Variants in TENM2 observed in about 807,000 individuals in gnomAD.
The protein encoded by TENM2 is teneurin transmembrane protein 2.
TENM2 carries 52 observed loss-of-function variants against 245.2 expected under a neutral mutation model. That is an observed-to-expected ratio of 0.21 (90% CI 0.17 to 0.27). The LOEUF (loss-of-function observed/expected upper bound fraction) is 0.27, where lower values mean the gene tolerates loss of function less well. Ranked by LOEUF, TENM2 falls within the 10% of genes least tolerant of loss-of-function variation. The pLI, the probability that TENM2 is intolerant of heterozygous loss-of-function variation, is 1.00. For synonymous variants in TENM2, 1,363 were observed against 1,438.9 expected, an observed-to-expected ratio of 0.95 and a Z score of 1.19; for missense variants, 3,046 against 3,666.8, an observed-to-expected ratio of 0.83 and a Z score of 4.37.
chr5:167,982,494 C>T (rs1782917571), intron 4 of TENM2, among the ~76,000 whole-genome samples: 1 of 152,160 alleles, frequency 6.6e-6, no homozygotes. Flanking sequence ...TTCCTGTGGG[C>T]CCGCTTCTGT....
intron 2 of TENM2, among the ~76,000 whole-genome samples, chr5:167,395,617 A>G (rs181522181): frequency 6.6e-6 from 1 of 152,290 alleles, no homozygotes; most frequent in Non-Finnish European, 1.5e-5. Context: ...CAAAGAAGAC[A>G]TTCAAATGGC....
chr5:167,821,258 T>C (rs1274320104), intron 2 of TENM2: 4 of 152,230 alleles, frequency 2.6e-5, no homozygotes, highest in African/African-American at 9.6e-5. Context: ...TTTATTTAGT[T>C]TGCCTCACAG....
At chr5:167,473,436 C>T (rs1767165360) in intron 2 of TENM2, among the ~76,000 whole-genome samples, 1 of 152,164 alleles carries the variant, frequency 6.6e-6, no homozygotes. Flanking sequence ...CTAAATAGCA[C>T]ATTTCTTTAA....
At chr5:167,554,106 C>G (rs1460252493) in intron 2 of TENM2, among the ~76,000 whole-genome samples, 2 of 152,134 alleles carry the variant, frequency 1.3e-5, no homozygotes, top group Non-Finnish European at 2.9e-5. Context: ...GTCCAGAATT[C>G]CCACCACAGC....
At chr5:167,723,638 C>T (rs79484825) in intron 2 of TENM2, among the ~76,000 whole-genome samples, 4,543 of 152,214 alleles carry the variant, frequency 0.03, 207 homozygotes, top group African/African-American at 0.1. Flanking sequence ...TCGCTGTGTG[C>T]CTCAAATATG....
chr5:167,620,571 T>TTTGAGA (rs1554091167), intron 2 of TENM2, among the ~76,000 whole-genome samples: 1 of 138,024 alleles, frequency 7.2e-6, no homozygotes, highest in African/African-American at 3.1e-5. Context: ...TTTTTTTTTT[T>TTTGAGA]CAAGAACTGA....
At chr5:168,061,426 G>T (rs1401424452) in intron 6 of TENM2, among the ~76,000 whole-genome samples, 2 of 152,156 alleles carry the variant, frequency 1.3e-5, no homozygotes, top group South Asian at 4.1e-4. Flanking sequence ...TATTATTAAA[G>T]TTCTGAAGGA....
At chr5:167,294,570 C>T (rs192193404) in intron 1 of TENM2, among the ~76,000 whole-genome samples, 141 of 152,198 alleles carry the variant, frequency 9.3e-4, no homozygotes, top group African/African-American at 3.3e-3. Flanking sequence ...CCTGTCATTC[C>T]ACAGGGCGAG....
intron 9 of TENM2, among the ~76,000 whole-genome samples, chr5:168,114,740 T>G (rs1794928773): frequency 6.6e-6 from 1 of 152,216 alleles, no homozygotes; most frequent in Admixed American, 6.5e-5. Context: ...TGCTTTCCAG[T>G]GAACATCACA....
the TENM2 span, among the ~76,000 whole-genome samples, chr5:167,180,888 G>A: frequency 5.9e-5 from 9 of 151,792 alleles, no homozygotes; most frequent in Non-Finnish European, 1.3e-4. Flanking sequence ...AAGCTGAAGG[G>A]GTGGAGGAGG....
At chr5:167,976,179 T>A (rs752220275) in intron 4 of TENM2, among the ~76,000 whole-genome samples, 1 of 152,148 alleles carries the variant, frequency 6.6e-6, no homozygotes, top group Non-Finnish European at 1.5e-5. Context: ...AAATGCATCT[T>A]GAGCACCTAT....
intron 2 of TENM2, among the ~76,000 whole-genome samples, chr5:167,754,669 G>A (rs1429904877): frequency 2.7e-5 from 4 of 149,588 alleles, no homozygotes; most frequent in African/African-American, 9.8e-5. Flanking sequence ...CAGAAATTGT[G>A]CATTCCTGCA....
At chr5:167,657,952 T>C (rs1278840298) in intron 2 of TENM2, among the ~76,000 whole-genome samples, 1 of 152,254 alleles carries the variant, frequency 6.6e-6, no homozygotes, top group Non-Finnish European at 1.5e-5. Context: ...GCACTGAACC[T>C]AACTTTCTGG....
Position 168,197,102 on chromosome 5 carries a change from C to T in TENM2, c.2901-1751C>T, listed in dbSNP as rs552119356. Reference sequence around the variant, plus strand: ...AACTAGGAACAATTTTACTTCAAGACATTTGACTCTCTTCTGTACTCTATG... The same window carrying T: ...AACTAGGAACAATTTTACTTCAAGATATTTGACTCTCTTCTGTACTCTATG... On this transcript the variant is annotated intron_variant, in intron 15 of 28. Transcript: ENST00000518659. Among the ~76,000 whole-genome samples the T allele has an allele frequency of 1.3e-3, 193 of 152,276 alleles. 4 individuals carry two copies. The South Asian group carries it at 0.037, about 29-fold the overall frequency.
chr5:167,572,665 GC>G (rs1054380618), intron 2 of TENM2, among the ~76,000 whole-genome samples: 2 of 152,166 alleles, frequency 1.3e-5, no homozygotes, highest in Non-Finnish European at 2.9e-5. Flanking sequence ...TGTAATCCTA[GC>G]CCCCATGTGG....
intron 2 of TENM2, among the ~76,000 whole-genome samples, chr5:167,392,431 T>A (rs1468424780): frequency 6.6e-6 from 1 of 152,160 alleles, no homozygotes; most frequent in Non-Finnish European, 1.5e-5. Context: ...CATCCACTGA[T>A]GGCCTGAATA....
chr5:167,164,000 C>T, the TENM2 span, among the ~76,000 whole-genome samples: 9 of 152,204 alleles, frequency 5.9e-5, no homozygotes, highest in African/African-American at 2.2e-4. Flanking sequence ...TGCACATCCA[C>T]TGCCCTCCAC....
chr5:167,536,333 A>G (rs75649688), intron 2 of TENM2, among the ~76,000 whole-genome samples: 9,295 of 152,268 alleles, frequency 0.061, 747 homozygotes, highest in Admixed American at 0.21. Flanking sequence ...GAAGTCAAGT[A>G]AAATGCCTTG....
the TENM2 span, among the ~76,000 whole-genome samples, chr5:167,191,341 C>T: frequency 1.3e-5 from 2 of 151,954 alleles, no homozygotes; most frequent in African/African-American, 4.8e-5. Flanking sequence ...GATTGGTTGA[C>T]TGCAACTTCT....
Sources: allele counts gnomAD v4.1 joint callset (sites outside exome capture counted in the v4.1 genomes callset), GRCh38; gene constraint gnomAD v4.1.1; transcripts MANE v1.5; gene names NCBI Gene and HGNC (gene_info 2026-07-23, HGNC 2026-07-21).